DSCAML1: variants seen among roughly 807,000 people sequenced by gnomAD.
DSCAML1 encodes cell adhesion molecule DSCAML1.
A neutral mutation model predicts 200.5 loss-of-function variants in DSCAML1; 38 were observed. The ratio of observed to expected loss-of-function variants is 0.19; its 90% confidence interval spans 0.15 to 0.25. The LOEUF (loss-of-function observed/expected upper bound fraction) is 0.25. Ranked by LOEUF, DSCAML1 falls within the 10% of genes least tolerant of loss-of-function variation. The pLI, the probability that DSCAML1 is intolerant of heterozygous loss-of-function variation, is 1.00. For synonymous variants in DSCAML1, 1,215 were observed against 1,165.0 expected (o/e 1.04, Z -0.87); for missense variants, 2,223 against 2,858.8 (o/e 0.78, Z 5.07).
Position 117,505,303 on chromosome 11 carries a change from GA to G in DSCAML1, c.2062+150del. On this transcript the variant is annotated intron_variant, in intron 9 of 32. Coordinates refer to ENST00000651296, the MANE Select transcript of DSCAML1 (RefSeq NM_020693.4). This position sits in a 1 kb window ranked among gnomAD's most constrained non-coding sequence, Gnocchi z 6.7. ...CTCAGGGCTTCGGTTTCCTGCCCTG[GA>G]AAATAAGAGGTTTAGGCTCCAACAG... 1 of 1,176,498 alleles carries G rather than the reference GA, an allele frequency of 8.5e-7. No individual in the cohort carries two copies. The highest frequency in any genetic ancestry group is 1.2e-6 in the Non-Finnish European group (1 of 858,272). The allele number at this position is 1,176,498 out of a possible 1,614,324, so 72.9% of individuals were successfully genotyped here. A position where few individuals can be genotyped will look rare whatever the true frequency, so the allele number is the denominator to read the frequency against.
chr11:117,771,107 C>G (rs2055030379), intron 3 of DSCAML1, among the ~76,000 whole-genome samples: 1 of 152,208 alleles, frequency 6.6e-6, no homozygotes, highest in East Asian at 1.9e-4. Flanking sequence ...ACATGTGGCC[C>G]AAACTGGTTT....
At chr11:117,586,088 T>C (rs1269018806) in intron 3 of DSCAML1, among the ~76,000 whole-genome samples, 2 of 152,108 alleles carry the variant, frequency 1.3e-5, no homozygotes, top group Non-Finnish European at 2.9e-5. Flanking sequence ...AATCCGAGGA[T>C]ACCCTGGACC....
chr11:117,592,395 G>A (rs926041147), intron 3 of DSCAML1, among the ~76,000 whole-genome samples: 3 of 151,944 alleles, frequency 2.0e-5, no homozygotes, highest in African/African-American at 7.3e-5. Flanking sequence ...ATCTGTGTCC[G>A]TGTGTGTGTG....
intron 3 of DSCAML1, among the ~76,000 whole-genome samples, chr11:117,714,778 C>T (rs1449741944): frequency 2.2e-5 from 3 of 135,014 alleles, no homozygotes; most frequent in East Asian, 2.3e-4. Flanking sequence ...ACCGAGATCA[C>T]GCCATTGCAC....
rs1315074415 is a variant in DSCAML1 at position 117,808,079 on chromosome 11, C to T, written c.-250+9311G>A. On this transcript the variant is annotated intron_variant, in intron 1 of 2. Coordinates refer to the DSCAML1 transcript ENST00000525836. ...TCGTGATCCGCCCGCCTAGGCTTCC[C>T]AAAGTGGTGCGATTACAGGCGTGAG... 2.0e-5 allele frequency among the ~76,000 whole-genome samples: 3 copies of T among 152,298 alleles called. No homozygotes were observed. In the South Asian group the frequency reaches 6.2e-4, roughly 32 times the overall value.
At chr11:117,430,213 G>GC (rs1169467706) in intron 32 of DSCAML1, among the ~76,000 whole-genome samples, 5 of 152,320 alleles carry the variant, frequency 3.3e-5, no homozygotes, top group African/African-American at 1.2e-4. Flanking sequence ...CCAGGTCACT[G>GC]CCTACTGAGA....
At chr11:117,567,576 T>C (rs1454601915) in intron 3 of DSCAML1, among the ~76,000 whole-genome samples, 2 of 152,188 alleles carry the variant, frequency 1.3e-5, no homozygotes, top group African/African-American at 4.8e-5. Context: ...AGAAGCTCTT[T>C]AGAGAATACT....
At chr11:117,520,891 C>T (rs2049873792) in intron 6 of DSCAML1, among the ~76,000 whole-genome samples, 1 of 152,110 alleles carries the variant, frequency 6.6e-6, no homozygotes, top group African/African-American at 2.4e-5. Flanking sequence ...GATCGCACTA[C>T]TGTTCTCCAG....
At chr11:117,752,416 A>G (rs536477278) in intron 3 of DSCAML1, among the ~76,000 whole-genome samples, 42 of 152,366 alleles carry the variant, frequency 2.8e-4, no homozygotes, top group African/African-American at 8.9e-4. Flanking sequence ...CTCACAGCAC[A>G]TCATTTTACT....
intron 11 of DSCAML1, among the ~76,000 whole-genome samples, chr11:117,491,796 C>A (rs868690187): frequency 6.6e-6 from 1 of 152,022 alleles, no homozygotes; most frequent in Non-Finnish European, 1.5e-5. Context: ...AAACAAAAAA[C>A]CCCATGAATA....
intron 3 of DSCAML1, among the ~76,000 whole-genome samples, chr11:117,566,856 A>G (rs990732441): frequency 2.0e-5 from 3 of 151,084 alleles, no homozygotes; most frequent in African/African-American, 7.3e-5. Context: ...GCGATAGTTT[A>G]CTGAGAATGA....
At chr11:117,501,651 T>G (rs757402905) in intron 11 of DSCAML1, among the ~76,000 whole-genome samples, 1 of 151,394 alleles carries the variant, frequency 6.6e-6, no homozygotes, top group Non-Finnish European at 1.5e-5. Flanking sequence ...AAACGGAGGA[T>G]GTGTGAGAGG....
intron 1 of DSCAML1, among the ~76,000 whole-genome samples, chr11:117,813,798 G>A (rs1455725782): frequency 2.0e-5 from 3 of 151,980 alleles, no homozygotes; most frequent in Non-Finnish European, 4.4e-5. Context: ...GAGAAACATC[G>A]TCCATTCTGT....
intron 3 of DSCAML1, among the ~76,000 whole-genome samples, chr11:117,594,328 G>A (rs2051320478): frequency 6.6e-6 from 1 of 152,210 alleles, no homozygotes; most frequent in Admixed American, 6.5e-5. Flanking sequence ...AGTATCCTTG[G>A]GTTTTGTGCA....
At chr11:117,697,239 C>T (rs966534824) in intron 3 of DSCAML1, among the ~76,000 whole-genome samples, 1 of 152,168 alleles carries the variant, frequency 6.6e-6, no homozygotes, top group Non-Finnish European at 1.5e-5. Context: ...TCACATAGCT[C>T]CTTCTTTTGT....
chr11:117,490,372 C>G (rs2049160490), intron 11 of DSCAML1, among the ~76,000 whole-genome samples: 1 of 152,172 alleles, frequency 6.6e-6, no homozygotes, highest in Non-Finnish European at 1.5e-5. Context: ...CACAAGACAG[C>G]TCTGCTGCCT....
chr11:117,432,580 T>C (rs989569120), intron 29 of DSCAML1, 76 bp from the exon 30 acceptor site: 12 of 1,472,694 alleles, frequency 8.1e-6, no homozygotes, highest in Admixed American at 6.1e-5. Context: ...ACTGAATTTC[T>C]CTTTGTCTTT....
chr11:117,529,808 C>G (rs2050041051), intron 4 of DSCAML1, among the ~76,000 whole-genome samples: 1 of 152,066 alleles, frequency 6.6e-6, no homozygotes, highest in African/African-American at 2.4e-5. Context: ...GGAGTGGAAC[C>G]CAAGTGCAAT....
intron 3 of DSCAML1, among the ~76,000 whole-genome samples, chr11:117,629,704 AAG>A (rs2052131589): frequency 6.6e-6 from 1 of 152,152 alleles, no homozygotes; most frequent in African/African-American, 2.4e-5. Context: ...ACACTGAAAA[AAG>A]AGAGCAGGGA....
Sources: gnomAD v4.1 joint callset for allele counts (sites outside exome capture counted in the v4.1 genomes callset) on GRCh38, gnomAD v4.1.1 for gene constraint, Gnocchi (gnomAD v3.1) non-coding constraint, MANE v1.5 for transcripts, NCBI Gene and HGNC (gene_info 2026-07-23, HGNC 2026-07-21) for gene names.